The following ANKFN1 variants were observed in gnomAD, a reference collection of about 807,000 sequenced individuals.
ANKFN1 encodes the protein ankyrin repeat and fibronectin type III domain containing 1, also known as ankyrin repeat and fibronectin type-III domain-containing protein 1.
In ANKFN1, 74 loss-of-function variants were observed where a neutral mutation model predicts 108.7. The observed-to-expected ratio is 0.68, with a 90% CI of 0.56 to 0.83. The LOEUF (loss-of-function observed/expected upper bound fraction) is 0.83. Among genes scored for constraint, ANKFN1 ranks in the 40% least tolerant of loss-of-function variants. The pLI is 0.00. For missense variants in ANKFN1, 1,505 were observed against 1,382.3 expected, an observed-to-expected ratio of 1.09 and a Z score of -1.41; for synonymous variants, 547 against 516.2, an observed-to-expected ratio of 1.06 and a Z score of -0.81.
intron 3 of ANKFN1, among the ~76,000 whole-genome samples, chr17:56,260,024 T>A (rs2043468087): frequency 6.6e-6 from 1 of 152,012 alleles, no homozygotes; most frequent in Admixed American, 6.6e-5. Flanking sequence ...TAAGCATACA[T>A]CTGCCATCCA....
chr17:56,480,591 C>A, intron 16 of ANKFN1, 77 bp from the exon 17 acceptor site: 2 of 1,466,742 alleles, frequency 1.4e-6, no homozygotes, highest in South Asian at 1.2e-5. Flanking sequence ...AGGTTCTGGA[C>A]ACATACACTA....
chr17:56,511,278 A>G lies in ANKFN1; in HGVS notation c.*9A>G. On this transcript the variant is annotated 3_prime_UTR_variant, in exon 21 of 21. Coordinates refer to ENST00000682825, the MANE Select transcript of ANKFN1 (RefSeq NM_001370326.1). ...TCAGCAGCATGCTTTAGGGAGGCCC[A>G]TCCCGGCTGTCCACCCCTCCATGGC... 2.7e-6 allele frequency: 4 copies of G among 1,503,890 alleles called. No individual in the cohort carries two copies. Among genetic ancestry groups the G allele is most frequent in the Non-Finnish European group, 3.5e-6 (4 of 1,127,662 alleles). 93.2% of individuals were successfully genotyped at this position (1,503,890 alleles called of 1,614,324 possible). A position where few individuals can be genotyped will look rare whatever the true frequency, so the allele number is the denominator to read the frequency against.
At chr17:56,079,340 T>C (rs1313526468) in intron 4 of ANKFN1, among the ~76,000 whole-genome samples, 2 of 152,110 alleles carry the variant, frequency 1.3e-5, no homozygotes, top group African/African-American at 4.8e-5. Flanking sequence ...CCATACTGGC[T>C]CCAATCACAT....
In ANKFN1 at chr17:56,167,316, C is replaced by CATATATAT. The variant is rs1469508922; in HGVS notation, c.-71+13787_-71+13788insTATATATA. Among the ~76,000 whole-genome samples the CATATATAT allele has an allele frequency of 2.2e-3, 170 of 75,708 alleles. 1 individual carries two copies. The highest frequency in any genetic ancestry group is 6.0e-3 in the African/African-American group (104 of 17,232). The allele number at this position is 75,708 out of a possible 152,430, so 49.7% of individuals were successfully genotyped here. ...ACACATACATATATACACACACACA[C>CATATATAT]ACATATATATATATATATATATATA... On this transcript the variant is annotated intron_variant, in intron 1 of 20. Coordinates refer to ENST00000682825, the MANE Select transcript of ANKFN1 (RefSeq NM_001370326.1).
At chr17:56,242,007 T>C (rs899657624) in intron 3 of ANKFN1, among the ~76,000 whole-genome samples, 1 of 125,262 alleles carries the variant, frequency 8.0e-6, no homozygotes, top group African/African-American at 2.6e-5. Context: ...TGGTGTACCA[T>C]TTAAAATGAA....
intron 8 of ANKFN1, among the ~76,000 whole-genome samples, chr17:56,433,226 C>A (rs1380765221): frequency 6.6e-6 from 1 of 151,954 alleles, no homozygotes; most frequent in African/African-American, 2.4e-5. Flanking sequence ...ATGGTGGCTG[C>A]AATTAATGGA....
At position 56,516,743 on chromosome 17, in the gene ANKFN1, G is replaced by A. The variant is rs1488568963; in HGVS notation, c.*5474G>A. ...ATTAAGTTAATTTTTCTAATGGCAA[G>A]TATTTTTGGTAATTTCTTACCTGCC... On this transcript the variant is annotated 3_prime_UTR_variant, in exon 21 of 21. Transcript: ENST00000682825. Among the ~76,000 whole-genome samples, 1 of 152,126 alleles carries A rather than the reference G, an allele frequency of 6.6e-6. No individual in the cohort carries two copies. Among genetic ancestry groups the A allele is most frequent in the African/African-American group, 2.4e-5 (1 of 41,438 alleles).
Position 56,366,660 on chromosome 17 carries a change from G to C in ANKFN1, c.602-5986G>C, listed in dbSNP as rs192210547. Among the ~76,000 whole-genome samples, 22 of 152,140 alleles carry C rather than the reference G, an allele frequency of 1.4e-4. No individual in the cohort carries two copies. The East Asian group carries it at 4.3e-3, about 29-fold the overall frequency. On this transcript the variant is annotated intron_variant, in intron 6 of 20. Coordinates refer to ENST00000682825, the MANE Select transcript of ANKFN1 (RefSeq NM_001370326.1). ...TAGATTTAGATATACAAATACTATC[G>C]TGTTATAGCTGCCTACAGTAGTCAG...
chr17:56,480,848 T>C, intron 17 of ANKFN1, 30 bp downstream of exon 17: 1 of 1,606,170 alleles, frequency 6.2e-7, no homozygotes, highest in Non-Finnish European at 8.5e-7. Context: ...TTATCTTCTT[T>C]TTTTATGGCT....
At chr17:56,354,672 A>G (rs2046329222) in intron 6 of ANKFN1, among the ~76,000 whole-genome samples, 1 of 152,210 alleles carries the variant, frequency 6.6e-6, no homozygotes, top group South Asian at 2.1e-4. Flanking sequence ...ATACCCATTG[A>G]CCAATCTCTC....
At chr17:56,499,151 C>G in intron 20 of ANKFN1, 53 bp downstream of exon 20, 1 of 1,483,680 alleles carries the variant, frequency 6.7e-7, no homozygotes, top group Non-Finnish European at 9.1e-7. Flanking sequence ...TTTTGATCCT[C>G]TCTTCACTGA....
At chr17:56,505,654 C>T (rs2051531048) in intron 20 of ANKFN1, among the ~76,000 whole-genome samples, 1 of 152,146 alleles carries the variant, frequency 6.6e-6, no homozygotes, top group Admixed American at 6.5e-5. Context: ...TATAATAAAA[C>T]TTGGTAAATG....
At chr17:56,291,794 C>T (rs561959200) in intron 3 of ANKFN1, among the ~76,000 whole-genome samples, 47 of 152,288 alleles carry the variant, frequency 3.1e-4, no homozygotes, top group Middle Eastern at 3.4e-3. Flanking sequence ...GTTGAGCTTC[C>T]GTAGCCTATT....
intron 1 of ANKFN1, among the ~76,000 whole-genome samples, chr17:56,197,035 G>C (rs567050074): frequency 2.6e-5 from 4 of 152,258 alleles, no homozygotes; most frequent in Non-Finnish European, 5.9e-5. Flanking sequence ...ACACTTTTGT[G>C]CTTGTTCAAA....
rs556434322 is a variant in ANKFN1 at position 56,466,149 on chromosome 17, A to G, written c.1558-207A>G. The stretch of plus-strand genomic sequence containing the variant: ...TGCTGTAATCTTTGCAGGCTCTGCA[A>G]TCTTTACAAATGCCTTGTAAAGACC... On this transcript the variant is annotated intron_variant, in intron 14 of 20. Transcript: ENST00000682825. Among the ~76,000 whole-genome samples the G allele has an allele frequency of 7.2e-5, 11 of 152,276 alleles. No individual in the cohort carries two copies. In the South Asian group the frequency reaches 1.7e-3, roughly 23 times the overall value.
At chr17:56,413,024 C>T (rs1055422196) in intron 8 of ANKFN1, among the ~76,000 whole-genome samples, 3 of 152,168 alleles carry the variant, frequency 2.0e-5, no homozygotes, top group African/African-American at 7.2e-5. Context: ...TTGTTTATTT[C>T]TGCCTTGATC....
intron 4 of ANKFN1, among the ~76,000 whole-genome samples, chr17:56,053,685 A>AT (rs1197208011): frequency 6.6e-6 from 1 of 151,968 alleles, no homozygotes; most frequent in Admixed American, 6.6e-5. Flanking sequence ...GGATTGTTGG[A>AT]TTTTATGGTA....
intron 4 of ANKFN1, among the ~76,000 whole-genome samples, chr17:56,077,093 G>A (rs139125888): frequency 1.3e-5 from 2 of 152,302 alleles, no homozygotes; most frequent in African/African-American, 2.4e-5. Flanking sequence ...CAAACCAAAT[G>A]TTATCAATGG....
chr17:56,443,225 G>T (rs910522917), intron 10 of ANKFN1, among the ~76,000 whole-genome samples: 2 of 152,176 alleles, frequency 1.3e-5, no homozygotes, highest in African/African-American at 4.8e-5. Context: ...AGGCATGGTG[G>T]CTCATGCCTG....
Sources: gnomAD v4.1 joint callset for allele counts (sites outside exome capture counted in the v4.1 genomes callset) on GRCh38, gnomAD v4.1.1 for gene constraint, MANE v1.5 for transcripts, NCBI Gene and HGNC (gene_info 2026-07-23, HGNC 2026-07-21) for gene names.